ZZZ3: variants seen among roughly 807,000 people sequenced by gnomAD.
ZZZ3 encodes the protein zinc finger ZZ-type containing 3, also known as ZZ-type zinc finger-containing protein 3.
Under a neutral mutation model 95.2 loss-of-function variants are expected in ZZZ3, and 22 were observed. That is an observed-to-expected ratio of 0.23 (90% CI 0.17 to 0.33). ZZZ3 has a LOEUF of 0.33. Among genes scored for constraint, ZZZ3 ranks in the 10% least tolerant of loss-of-function variants. ZZZ3 has a pLI of 1.00. For synonymous variants in ZZZ3, 335 were observed against 358.9 expected (o/e 0.93, Z 0.75); for missense variants, 885 against 1,066.5 (o/e 0.83, Z 2.37).
chr1:77,567,205 G>A (rs1243529991), intron 13 of ZZZ3, among the ~76,000 whole-genome samples: 1 of 152,110 alleles, frequency 6.6e-6, no homozygotes, highest in East Asian at 1.9e-4. Context: ...GTCCAACCAA[G>A]TCAATTCTAA....
intron 5 of ZZZ3, among the ~76,000 whole-genome samples, chr1:77,586,523 G>A (rs547250726): frequency 9.2e-5 from 14 of 152,078 alleles, no homozygotes; most frequent in African/African-American, 1.7e-4. Context: ...TGGGAAGAAG[G>A]GCCTCTAATT....
chr1:77,671,100 A>C (rs1671750995), intron 1 of ZZZ3, among the ~76,000 whole-genome samples: 1 of 151,830 alleles, frequency 6.6e-6, no homozygotes, highest in African/African-American at 2.4e-5. Flanking sequence ...GAATGGAGGC[A>C]CTTTATTGAC....
intron 12 of ZZZ3, among the ~76,000 whole-genome samples, chr1:77,569,986 C>T (rs1250529788): frequency 6.6e-6 from 1 of 152,246 alleles, no homozygotes; most frequent in Non-Finnish European, 1.5e-5. Context: ...ACAAGCCCTA[C>T]CCCACCCATT....
chr1:77,600,031 A>G (rs748630340), intron 5 of ZZZ3, among the ~76,000 whole-genome samples: 2 of 152,096 alleles, frequency 1.3e-5, no homozygotes, highest in African/African-American at 2.4e-5. Context: ...CTCTATTACA[A>G]TGGTTACCAG....
chr1:77,602,169 C>A (rs899526871), intron 5 of ZZZ3, among the ~76,000 whole-genome samples: 4 of 152,064 alleles, frequency 2.6e-5, no homozygotes, highest in Non-Finnish European at 5.9e-5. Context: ...TTTTCCTCAA[C>A]AAGAGCAAAG....
intron 5 of ZZZ3, among the ~76,000 whole-genome samples, chr1:77,625,130 T>C (rs1667224792): frequency 6.6e-6 from 1 of 152,242 alleles, no homozygotes; most frequent in Non-Finnish European, 1.5e-5. Flanking sequence ...TTTCTGCAAC[T>C]AAAAGCTAAG....
rs115557747 is a variant in ZZZ3 at position 77,613,364 on chromosome 1, G to A, written c.1505+18486C>T. ...CAAATCCTAACCACACAATTAACCTGTGAAGACTAGGTCTTAAAAAGCAAG... is the reference window on the plus strand; with the variant it reads ...CAAATCCTAACCACACAATTAACCTATGAAGACTAGGTCTTAAAAAGCAAG... On this transcript the variant is annotated intron_variant, in intron 5 of 14. Coordinates refer to ENST00000370801, the MANE Select transcript of ZZZ3 (RefSeq NM_015534.6). Among the ~76,000 whole-genome samples the A allele has an allele frequency of 7.6e-3, 1,158 of 151,732 alleles. 17 individuals carry two copies. Among genetic ancestry groups the A allele is most frequent in the African/African-American group, 0.026 (1,080 of 41,370 alleles).
At chr1:77,624,781 G>A (rs943254213) in intron 5 of ZZZ3, among the ~76,000 whole-genome samples, 13 of 152,182 alleles carry the variant, frequency 8.5e-5, no homozygotes, top group African/African-American at 2.7e-4. Context: ...AAGTCAGACC[G>A]AAACTGTGGG....
At chr1:77,571,661 G>A (rs986657790) in intron 12 of ZZZ3, among the ~76,000 whole-genome samples, 1 of 152,116 alleles carries the variant, frequency 6.6e-6, no homozygotes, top group Non-Finnish European at 1.5e-5. Flanking sequence ...CCATACGCTG[G>A]GTGAAACGAG....
intron 5 of ZZZ3, among the ~76,000 whole-genome samples, chr1:77,628,074 A>G (rs1488258325): frequency 6.6e-6 from 1 of 152,218 alleles, no homozygotes; most frequent in Admixed American, 6.5e-5. Context: ...TGCTTCCTAG[A>G]GCCAGACCTT....
At chr1:77,587,855 C>T (rs563079939) in intron 5 of ZZZ3, among the ~76,000 whole-genome samples, 2 of 152,324 alleles carry the variant, frequency 1.3e-5, no homozygotes, top group South Asian at 4.1e-4. Flanking sequence ...GCCTACTCAA[C>T]GTGAGGACAA....
intron 1 of ZZZ3, among the ~76,000 whole-genome samples, chr1:77,672,753 A>G (rs1299287989): frequency 6.6e-6 from 1 of 152,244 alleles, no homozygotes; most frequent in Non-Finnish European, 1.5e-5. Context: ...CTTAGGTCAA[A>G]GTGGAAAATG....
chr1:77,637,077 A>G (rs866947896), intron 4 of ZZZ3, among the ~76,000 whole-genome samples: 1 of 152,126 alleles, frequency 6.6e-6, no homozygotes, highest in African/African-American at 2.4e-5. Flanking sequence ...AGACCTACCA[A>G]CGAATTAGGC....
At chr1:77,651,726 G>A (rs1669824922) in intron 1 of ZZZ3, among the ~76,000 whole-genome samples, 1 of 152,102 alleles carries the variant, frequency 6.6e-6, no homozygotes, top group Admixed American at 6.6e-5. Context: ...TTTAAAAATG[G>A]TTAAAATGGG....
chr1:77,604,446 T>C (rs1053969258), intron 5 of ZZZ3, among the ~76,000 whole-genome samples: 2 of 152,244 alleles, frequency 1.3e-5, no homozygotes, highest in Non-Finnish European at 2.9e-5. Flanking sequence ...AGATAATATA[T>C]AATTGCAACA....
chr1:77,601,439 G>C (rs1664719537), intron 5 of ZZZ3, among the ~76,000 whole-genome samples: 1 of 152,034 alleles, frequency 6.6e-6, no homozygotes, highest in Non-Finnish European at 1.5e-5. Flanking sequence ...GCGATGGGAA[G>C]AAAGTAAATA....
At chr1:77,646,411 G>C (rs1320882945) in intron 1 of ZZZ3, among the ~76,000 whole-genome samples, 2 of 151,922 alleles carry the variant, frequency 1.3e-5, no homozygotes, top group African/African-American at 4.8e-5. Flanking sequence ...TGTAGAGACA[G>C]GGTTTCACAC....
chr1:77,576,227 A>T lies in ZZZ3; in HGVS notation c.2179-7T>A. 1.9e-6 allele frequency: 3 copies of T among 1,566,210 alleles called. No homozygotes were observed. In the South Asian group the frequency reaches 3.6e-5, roughly 19 times the overall value. ...GTCGTCTGCTTGTTGAAGACTAAGT[A>T]AGAAAACAAATTTTTAATTGGTTCA... is the stretch of plus-strand genomic sequence containing the variant. On this transcript the variant is annotated splice_region_variant and splice_polypyrimidine_tract_variant and intron_variant, in intron 11 of 14. Coordinates refer to ENST00000370801, the MANE Select transcript of ZZZ3 (RefSeq NM_015534.6).
At chr1:77,583,865 T>C (rs575333173) in intron 6 of ZZZ3, among the ~76,000 whole-genome samples, 1 of 152,290 alleles carries the variant, frequency 6.6e-6, no homozygotes, top group South Asian at 2.1e-4. Flanking sequence ...CAAGATCATC[T>C]CCATATTTAC....
Sources: allele counts gnomAD v4.1 joint callset (sites outside exome capture counted in the v4.1 genomes callset), GRCh38; gene constraint gnomAD v4.1.1; transcripts MANE v1.5; gene names NCBI Gene and HGNC (gene_info 2026-07-23, HGNC 2026-07-21).